Variants in YES1 observed in about 807,000 individuals in gnomAD.
The protein encoded by YES1 is tyrosine-protein kinase Yes.
In YES1, 39 loss-of-function variants were observed where a neutral mutation model predicts 70.4. The observed-to-expected ratio is 0.55, with a 90% confidence interval of 0.43 to 0.72. YES1 has a LOEUF of 0.72. YES1 is among the 30% of genes least tolerant of loss of function. The probability of loss-of-function intolerance (pLI) is 0.00; values close to 1 mark genes in which losing one functional copy is unlikely to be tolerated. For missense variants in YES1, 495 were observed against 644.8 expected, an observed-to-expected ratio of 0.77 and a Z score of 2.52; for synonymous variants, 198 against 218.6, an observed-to-expected ratio of 0.91 and a Z score of 0.83.
intron 1 of YES1, among the ~76,000 whole-genome samples, chr18:792,527 A>ACCTCTC (rs1906304656): frequency 1.7e-5 from 2 of 115,288 alleles, no homozygotes; most frequent in Non-Finnish European, 3.8e-5. Flanking sequence ...CTGAGACTCC[A>ACCTCTC]TCTCTCTCTC....
rs747647794 is a variant in YES1 at position 751,294 on chromosome 18, T to C, written c.371+411A>G. ...GAAAAACACAACTTAATTTCATCAA[T>C]TGGAAAGTAGATGGGTTCCTTACCC... On this transcript the variant is annotated intron_variant, in intron 3 of 11. Transcript: ENST00000314574. Among the ~76,000 whole-genome samples, 30 of 152,252 alleles carry C rather than the reference T, an allele frequency of 2.0e-4. No homozygotes were observed. In the South Asian group the frequency reaches 2.1e-3, roughly 11 times the overall value.
At chr18:762,727 C>A (rs996271119) in intron 1 of YES1, among the ~76,000 whole-genome samples, 1 of 152,018 alleles carries the variant, frequency 6.6e-6, no homozygotes, top group Non-Finnish European at 1.5e-5. Flanking sequence ...TCCATTTAAC[C>A]GAACACCACT....
At chr18:809,258 A>G (rs188817611) in intron 1 of YES1, among the ~76,000 whole-genome samples, 52 of 152,324 alleles carry the variant, frequency 3.4e-4, no homozygotes, top group Middle Eastern at 3.4e-3. Context: ...CTTTATTTAG[A>G]AATTTTTTCC....
chr18:767,546 T>A (rs1244107930), intron 1 of YES1, among the ~76,000 whole-genome samples: 1 of 152,218 alleles, frequency 6.6e-6, no homozygotes, highest in African/African-American at 2.4e-5. Flanking sequence ...GTTACCTTTG[T>A]CAAAAAGCAA....
chr18:776,126 G>A (rs531249421), intron 1 of YES1, among the ~76,000 whole-genome samples: 1 of 152,236 alleles, frequency 6.6e-6, no homozygotes, highest in South Asian at 2.1e-4. Flanking sequence ...AGTAGCTATA[G>A]CAGTTTATAC....
At chr18:735,588 C>T (rs186075982) in intron 10 of YES1, among the ~76,000 whole-genome samples, 1 of 152,126 alleles carries the variant, frequency 6.6e-6, no homozygotes, top group African/African-American at 2.4e-5. Flanking sequence ...GTGGTACGAG[C>T]CTGTAATCCC....
chr18:777,062 G>A (rs372439808), intron 1 of YES1, among the ~76,000 whole-genome samples: 23 of 152,220 alleles, frequency 1.5e-4, no homozygotes, highest in African/African-American at 4.1e-4. Context: ...TCTTTTGCTC[G>A]AGAAATTATT....
At chr18:785,106 A>G (rs898248167) in intron 1 of YES1, among the ~76,000 whole-genome samples, 1 of 151,654 alleles carries the variant, frequency 6.6e-6, no homozygotes, top group Non-Finnish European at 1.5e-5. Flanking sequence ...TGTGAGGACT[A>G]TTTTGCTTAT....
At chr18:782,750 A>G (rs978910743) in intron 1 of YES1, among the ~76,000 whole-genome samples, 4 of 152,222 alleles carry the variant, frequency 2.6e-5, no homozygotes, top group African/African-American at 4.8e-5. Flanking sequence ...GTTGGAGTGC[A>G]GCGGCACAAT....
chr18:800,943 C>A lies in YES1; in HGVS notation c.-9+11171G>T, dbSNP rs138740350. 1.4e-3 allele frequency among the ~76,000 whole-genome samples: 218 copies of A among 152,062 alleles called. 2 individuals carry two copies. The highest frequency in any genetic ancestry group is 4.7e-3 in the African/African-American group (196 of 41,482). On this transcript the variant is annotated intron_variant, in intron 1 of 11. Transcript: ENST00000314574. ...CGGGTGGATCACGAGGTCAGGAGAT[C>A]GAGACCATCCTGGCCAACTTGGTGA...
chr18:757,220 A>G (rs1266511783), intron 1 of YES1, among the ~76,000 whole-genome samples: 1 of 152,212 alleles, frequency 6.6e-6, no homozygotes, highest in Non-Finnish European at 1.5e-5. Flanking sequence ...TTGAAAAAGT[A>G]TCGCTGGGCG....
intron 6 of YES1, among the ~76,000 whole-genome samples, chr18:744,642 G>T (rs541732806): frequency 3.4e-5 from 5 of 146,552 alleles, no homozygotes; most frequent in African/African-American, 1.0e-4. Context: ...TGTCTGTTTC[G>T]GCCTCCCAAA....
At chr18:729,639 T>G (rs2080064041) in intron 11 of YES1, among the ~76,000 whole-genome samples, 1 of 141,638 alleles carries the variant, frequency 7.1e-6, no homozygotes, top group African/African-American at 2.6e-5. Context: ...TTTTTTTTTT[T>G]TTTTTGAGAC....
At chr18:732,772 C>A in intron 11 of YES1, 62 bp downstream of exon 11, 1 of 1,607,374 alleles carries the variant, frequency 6.2e-7, no homozygotes, top group Non-Finnish European at 8.5e-7. Flanking sequence ...CAATTCTGTT[C>A]CTAATAAACT....
chr18:769,536 T>C (rs2145774414), intron 1 of YES1, among the ~76,000 whole-genome samples: 1 of 152,336 alleles, frequency 6.6e-6, no homozygotes, highest in African/African-American at 2.4e-5. Flanking sequence ...ATCACTATTA[T>C]GTATGATATT....
Position 748,038 on chromosome 18 carries a change from A to C in YES1, c.372-20T>G. 6.2e-7 allele frequency: 1 copy of C among 1,608,248 alleles called. No individual in the cohort carries two copies. ...CCTTCCCTGCAACACATAAAACAGC[A>C]ATCACCGCAAGGTAGACTATTGCCC... is the stretch of plus-strand genomic sequence containing the variant. On this transcript the variant is annotated intron_variant, in intron 3 of 11. Transcript: ENST00000314574.
At chr18:808,621 A>G (rs1485018980) in intron 1 of YES1, among the ~76,000 whole-genome samples, 2 of 152,230 alleles carry the variant, frequency 1.3e-5, no homozygotes, top group Non-Finnish European at 2.9e-5. Context: ...AAATATTCAC[A>G]CAACAAAGCG....
In YES1 at chr18:758,138, A is replaced by G. The variant is rs529121959; in HGVS notation, c.-8-1303T>C. Among the ~76,000 whole-genome samples the G allele has an allele frequency of 2.5e-3, 384 of 152,344 alleles. 1 individual carries two copies. The highest frequency in any genetic ancestry group is 4.2e-3 in the Non-Finnish European group (286 of 68,028). On this transcript the variant is annotated intron_variant, in intron 1 of 11. Transcript: ENST00000314574. ...CAAAGAAACAGGTAAAATTAACTTT[A>G]GTATTTTATTTAACCCAGTATATAA...
intron 3 of YES1, among the ~76,000 whole-genome samples, 192 bp from the exon 4 acceptor site, chr18:748,210 T>C (rs1343734142): frequency 6.6e-6 from 1 of 152,220 alleles, no homozygotes; most frequent in Non-Finnish European, 1.5e-5. Context: ...GGAAGCACAA[T>C]TGCATACTTC....
Sources: gnomAD v4.1 joint callset for allele counts (sites outside exome capture counted in the v4.1 genomes callset) on GRCh38, gnomAD v4.1.1 for gene constraint, MANE v1.5 for transcripts, NCBI Gene and HGNC (gene_info 2026-07-23, HGNC 2026-07-21) for gene names.